Variants in MBNL2 observed in about 807,000 individuals in gnomAD.
MBNL2 encodes muscleblind-like protein 2.
Under a neutral mutation model 41.9 loss-of-function variants are expected in MBNL2, and 17 were observed. That is an observed-to-expected ratio of 0.41 (90% CI 0.28 to 0.61). The LOEUF is 0.61. Among genes scored for constraint, MBNL2 ranks in the 20% least tolerant of loss-of-function variants. MBNL2 has a pLI of 0.35. For missense variants in MBNL2, 336 were observed against 505.6 expected (o/e 0.66, Z 3.22); for synonymous variants, 195 against 182.9 (o/e 1.07, Z -0.53).
intron 2 of MBNL2, among the ~76,000 whole-genome samples, chr13:97,289,906 AAAG>A (rs1197905444): frequency 6.6e-6 from 1 of 152,262 alleles, no homozygotes. Context: ...TGCCTATATT[AAAG>A]AAGAATACAA....
intron 5 of MBNL2, among the ~76,000 whole-genome samples, chr13:97,351,719 G>T (rs7989284): frequency 6.6e-6 from 1 of 152,184 alleles, no homozygotes; most frequent in East Asian, 1.9e-4. Flanking sequence ...GGAGAGTCAG[G>T]ACCTTGCTCT....
At chr13:97,165,412 G>A in the MBNL2 span, among the ~76,000 whole-genome samples, 1 of 152,104 alleles carries the variant, frequency 6.6e-6, no homozygotes, top group Non-Finnish European at 1.5e-5. Context: ...GACCCAAGAT[G>A]AGCTACTTTT....
At chr13:97,236,840 C>T (rs1209668863) in intron 1 of MBNL2, among the ~76,000 whole-genome samples, 1 of 152,184 alleles carries the variant, frequency 6.6e-6, no homozygotes, top group Non-Finnish European at 1.5e-5. Context: ...GTAATAATAA[C>T]AGTTACTTTG....
chr13:97,285,174 A>G (rs1189866701), intron 2 of MBNL2, among the ~76,000 whole-genome samples: 4 of 152,248 alleles, frequency 2.6e-5, no homozygotes, highest in South Asian at 4.1e-4. Flanking sequence ...GCAAAGATTT[A>G]AAATAAAAAG....
At chr13:97,390,295 A>G (rs895888169) in intron 8 of MBNL2, among the ~76,000 whole-genome samples, 1 of 151,622 alleles carries the variant, frequency 6.6e-6, no homozygotes, top group African/African-American at 2.4e-5. Flanking sequence ...GGGAAAAAAT[A>G]TCCACGTGGA....
At chr13:97,226,252 T>G (rs1413354101) in intron 1 of MBNL2, among the ~76,000 whole-genome samples, 1 of 152,228 alleles carries the variant, frequency 6.6e-6, no homozygotes, top group African/African-American at 2.4e-5. Flanking sequence ...ACCTGAGCTC[T>G]GAGGCTGATG....
chr13:97,383,419 A>AT (rs1233945459), intron 8 of MBNL2, among the ~76,000 whole-genome samples: 1 of 152,202 alleles, frequency 6.6e-6, no homozygotes, highest in Admixed American at 6.5e-5. Flanking sequence ...GGACAGTATT[A>AT]TTGCTTTTCA....
intron 1 of MBNL2, among the ~76,000 whole-genome samples, chr13:97,241,219 G>A (rs369775421): frequency 2.0e-5 from 3 of 152,238 alleles, no homozygotes; most frequent in African/African-American, 7.2e-5. Context: ...AATATCACAT[G>A]TCCTTTTTTT....
In MBNL2 at chr13:97,391,437, A is replaced by G; in HGVS notation, c.1164A>G (p.Gln388=). The change falls in exon 9 of 9, where the codon CAA becomes CAG. Residue 388 remains glutamine, a synonymous_variant. Coordinates refer to ENST00000679496, the MANE Select transcript of MBNL2 (RefSeq NM_001382683.1). The part of the protein sequence containing the change: ...YPVSSSIELP[Q]TAC ...TTTCCTCCTCAATAGAATTGCCACA[A>G]ACTGCATGCTAAATAAAGATGTAGT... The G allele has an allele frequency of 7.9e-7, 1 of 1,268,062 alleles. No homozygotes were observed. Among genetic ancestry groups the G allele is most frequent in the Non-Finnish European group, 1.2e-6 (1 of 864,410 alleles). The allele number at this position is 1,268,062 out of a possible 1,614,324, so 78.6% of individuals were successfully genotyped here. A position where few individuals can be genotyped will look rare whatever the true frequency, so the allele number is the denominator to read the frequency against.
Position 97,334,148 on chromosome 13 carries a change from C to CCACCCA in MBNL2, c.175-125_175-124insCCACAC, listed in dbSNP as rs556478210. 8.8e-5 allele frequency: 48 copies of CCACCCA among 547,432 alleles called. No individual in the cohort carries two copies. In the East Asian group the frequency reaches 1.5e-3, roughly 17 times the overall value. The allele number at this position is 547,432 out of a possible 1,614,324, so 33.9% of individuals were successfully genotyped here. ...AACACATGAGCATGCGCGCGCACAC[C>CCACCCA]CACACACACACACACACACACACAC... On this transcript the variant is annotated intron_variant, in intron 2 of 8. Transcript: ENST00000679496. This position sits in a 1 kb window ranked among gnomAD's most constrained non-coding sequence, Gnocchi z 5.3.
At chr13:97,300,999 G>A (rs1416804808) in intron 2 of MBNL2, among the ~76,000 whole-genome samples, 1 of 152,186 alleles carries the variant, frequency 6.6e-6, no homozygotes, top group Non-Finnish European at 1.5e-5. Flanking sequence ...AGCCAAACAA[G>A]ACATCTGTGT....
chr13:97,307,128 C>G (rs1243452161), intron 2 of MBNL2, among the ~76,000 whole-genome samples: 1 of 152,166 alleles, frequency 6.6e-6, no homozygotes, highest in Non-Finnish European at 1.5e-5. Flanking sequence ...GGTTCCATCT[C>G]CCAGCATCCA....
At chr13:97,153,279 G>A in the MBNL2 span, among the ~76,000 whole-genome samples, 79 of 152,014 alleles carry the variant, frequency 5.2e-4, no homozygotes, top group Middle Eastern at 3.4e-3. Flanking sequence ...GAAAGAATGT[G>A]GAAAGAGGAG....
Position 97,306,876 on chromosome 13 carries a change from G to C in MBNL2, c.175-27400G>C, listed in dbSNP as rs1057126596. Among the ~76,000 whole-genome samples the C allele has an allele frequency of 7.2e-5, 11 of 152,278 alleles. No homozygotes were observed. In the East Asian group the frequency reaches 1.9e-3, roughly 27 times the overall value. On this transcript the variant is annotated intron_variant, in intron 2 of 8. Coordinates refer to ENST00000679496, the MANE Select transcript of MBNL2 (RefSeq NM_001382683.1). Reference sequence around the variant, plus strand: ...CAAGAACAAGGCTCAAGGACTATAAGTTCTTGTCTAGTTGGGAAGAAAATT... The same window carrying C: ...CAAGAACAAGGCTCAAGGACTATAACTTCTTGTCTAGTTGGGAAGAAAATT...
At chr13:97,286,859 G>A (rs942802401) in intron 2 of MBNL2, among the ~76,000 whole-genome samples, 1 of 152,164 alleles carries the variant, frequency 6.6e-6, no homozygotes, top group South Asian at 2.1e-4. Context: ...TTTACGTGAC[G>A]CTGTCTATCT....
chr13:97,330,050 C>T (rs1356653072), intron 2 of MBNL2, among the ~76,000 whole-genome samples: 1 of 152,222 alleles, frequency 6.6e-6, no homozygotes, highest in Non-Finnish European at 1.5e-5. Flanking sequence ...CCCCACAAGA[C>T]TGCAGGCTTC....
At chr13:97,192,670 C>A in the MBNL2 span, among the ~76,000 whole-genome samples, 1 of 152,162 alleles carries the variant, frequency 6.6e-6, no homozygotes, top group Non-Finnish European at 1.5e-5. Flanking sequence ...CTTTAGACAC[C>A]AAAGATTAGA....
At chr13:97,190,517 T>A in the MBNL2 span, among the ~76,000 whole-genome samples, 1 of 152,176 alleles carries the variant, frequency 6.6e-6, no homozygotes, top group Middle Eastern at 3.2e-3. Context: ...GATCAGATAT[T>A]TACTCTAAAA....
intron 2 of MBNL2, among the ~76,000 whole-genome samples, chr13:97,313,522 T>G (rs1176111789): frequency 2.0e-5 from 3 of 152,224 alleles, no homozygotes; most frequent in African/African-American, 7.2e-5. Flanking sequence ...TAAATGGGGT[T>G]GGCAGAAGTT....
Sources: gnomAD v4.1 joint callset for allele counts (sites outside exome capture counted in the v4.1 genomes callset) on GRCh38, gnomAD v4.1.1 for gene constraint, Gnocchi (gnomAD v3.1) non-coding constraint, MANE v1.5 for transcripts, NCBI Gene and HGNC (gene_info 2026-07-23, HGNC 2026-07-21) for gene names.